NEDD4L: variants seen among roughly 807,000 people sequenced by gnomAD.
The protein encoded by NEDD4L is NEDD4 like E3 ubiquitin protein ligase, also known as E3 ubiquitin-protein ligase NEDD4-like.
NEDD4L carries 54 observed loss-of-function variants against 148.9 expected under a neutral mutation model. The observed-to-expected ratio is 0.36, with a 90% CI of 0.29 to 0.45. The LOEUF is 0.45. NEDD4L is among the 20% of genes least tolerant of loss of function. The probability of loss-of-function intolerance (pLI) is 1.00; values close to 1 mark genes in which losing one functional copy is unlikely to be tolerated. For synonymous variants in NEDD4L, 433 were observed against 440.7 expected, an observed-to-expected ratio of 0.98 and a Z score of 0.22; for missense variants, 856 against 1,233.8, an observed-to-expected ratio of 0.69 and a Z score of 4.59.
At position 58,299,080 on chromosome 18, in the gene NEDD4L, C is replaced by T. The variant is rs114719922; in HGVS notation, c.298-16902C>T. ...ATAAGGCTGAAGAAGGCTTGTGGCT[C>T]AGCACAATTTGGTCTTGTATGCACA... On this transcript the variant is annotated intron_variant, in intron 5 of 30. Transcript: ENST00000400345. Among the ~76,000 whole-genome samples the T allele has an allele frequency of 4.4e-3, 666 of 152,324 alleles. 2 individuals carry two copies. Among genetic ancestry groups the T allele is most frequent in the African/African-American group, 0.015 (637 of 41,578 alleles).
At chr18:58,126,660 C>A (rs2031161227) in intron 1 of NEDD4L, among the ~76,000 whole-genome samples, 1 of 152,160 alleles carries the variant, frequency 6.6e-6, no homozygotes, top group Admixed American at 6.5e-5. Context: ...TACGGTAACT[C>A]TACATTTAAG....
chr18:58,306,639 T>G (rs925518409), intron 5 of NEDD4L, among the ~76,000 whole-genome samples: 7 of 152,002 alleles, frequency 4.6e-5, no homozygotes, highest in Non-Finnish European at 8.8e-5. Context: ...TCTTTTTTTT[T>G]TTTGAAATGG....
intron 5 of NEDD4L, among the ~76,000 whole-genome samples, chr18:58,254,985 A>G (rs1035400387): frequency 6.6e-6 from 1 of 152,218 alleles, no homozygotes; most frequent in Admixed American, 6.5e-5. Context: ...GATGTCATAA[A>G]TAACAGAAAC....
intron 1 of NEDD4L, among the ~76,000 whole-genome samples, chr18:58,126,965 G>A (rs1404839002): frequency 6.6e-6 from 1 of 152,240 alleles, no homozygotes; most frequent in Non-Finnish European, 1.5e-5. Context: ...ACTGACCAGA[G>A]AACCCTTGCG....
rs551857340 is a variant in NEDD4L at position 58,270,184 on chromosome 18, G to C, written c.297+18130G>C. ...GTGGCTTTTGATAACTCCACGTCTT[G>C]AAAGTGTTGGCCAGTTGTCAAATTT... On this transcript the variant is annotated intron_variant, in intron 5 of 30. Transcript: ENST00000400345. 9.8e-5 allele frequency among the ~76,000 whole-genome samples: 15 copies of C among 152,328 alleles called. No individual in the cohort carries two copies. The South Asian group carries it at 1.7e-3, about 17-fold the overall frequency.
intron 1 of NEDD4L, among the ~76,000 whole-genome samples, chr18:58,087,089 C>A (rs913245024): frequency 6.6e-6 from 1 of 152,206 alleles, no homozygotes; most frequent in Non-Finnish European, 1.5e-5. Flanking sequence ...CTTCTTAGGG[C>A]CTTTGGTTTG....
At chr18:58,102,360 G>T (rs2084809928) in intron 1 of NEDD4L, among the ~76,000 whole-genome samples, 1 of 152,092 alleles carries the variant, frequency 6.6e-6, no homozygotes, top group South Asian at 2.1e-4. Context: ...AACTTGTTAT[G>T]CTGTAACCCC....
At chr18:58,183,809 T>C (rs2047193812) in intron 2 of NEDD4L, among the ~76,000 whole-genome samples, 1 of 152,222 alleles carries the variant, frequency 6.6e-6, no homozygotes, top group Non-Finnish European at 1.5e-5. Flanking sequence ...AATTTTGAAT[T>C]ATTTTTGTTT....
intron 30 of NEDD4L, among the ~76,000 whole-genome samples, chr18:58,392,415 A>G (rs938594200): frequency 2.6e-5 from 4 of 152,188 alleles, no homozygotes; most frequent in African/African-American, 9.6e-5. Flanking sequence ...CCTGCAGGAA[A>G]CGCCCTCCCT....
intron 5 of NEDD4L, among the ~76,000 whole-genome samples, chr18:58,276,227 G>C (rs1171312471): frequency 1.5e-5 from 2 of 134,906 alleles, no homozygotes; most frequent in African/African-American, 2.8e-5. Context: ...GGGGAGGGGG[G>C]TGGTTTTCTG....
At chr18:58,182,509 CTTTTTTTTTTTT>C (rs568506761) in intron 2 of NEDD4L, among the ~76,000 whole-genome samples, 3 of 111,452 alleles carry the variant, frequency 2.7e-5, no homozygotes, top group Non-Finnish European at 5.2e-5. Context: ...GCATTGATAC[CTTTTTTTTTTTT>C]TTTTTTTTTT....
chr18:58,078,367 C>T (rs1248583485), intron 1 of NEDD4L, among the ~76,000 whole-genome samples: 1 of 152,066 alleles, frequency 6.6e-6, no homozygotes, highest in Non-Finnish European at 1.5e-5. Flanking sequence ...GAACATGATG[C>T]TTTGGGATGA....
chr18:58,123,898 T>C (rs920122446), intron 1 of NEDD4L, among the ~76,000 whole-genome samples: 4 of 152,194 alleles, frequency 2.6e-5, no homozygotes, highest in Admixed American at 1.3e-4. Context: ...TTCCCAAGGA[T>C]GTCACTCCTG....
intron 1 of NEDD4L, among the ~76,000 whole-genome samples, chr18:58,140,243 G>A (rs1263371042): frequency 6.6e-6 from 1 of 152,148 alleles, no homozygotes; most frequent in African/African-American, 2.4e-5. Flanking sequence ...GGAAATTCTG[G>A]TACAGAGATA....
intron 24 of NEDD4L, among the ~76,000 whole-genome samples, chr18:58,379,954 A>G (rs1419836515): frequency 1.3e-5 from 2 of 152,060 alleles, no homozygotes; most frequent in African/African-American, 4.8e-5. Flanking sequence ...ACTCCCCCAC[A>G]GAGAAACCCA....
intron 2 of NEDD4L, among the ~76,000 whole-genome samples, chr18:58,219,963 T>G (rs1030986594): frequency 8.5e-5 from 13 of 152,244 alleles, no homozygotes; most frequent in African/African-American, 3.1e-4. Flanking sequence ...ACCTTCCAGC[T>G]AGTGTGTAAA....
intron 2 of NEDD4L, among the ~76,000 whole-genome samples, chr18:58,193,307 C>T (rs1490142706): frequency 6.6e-6 from 1 of 152,146 alleles, no homozygotes; most frequent in Non-Finnish European, 1.5e-5. Context: ...AAGTAAGAGA[C>T]AGGACCTTTT....
At chr18:58,329,216 G>C in intron 10 of NEDD4L, 89 bp downstream of exon 10, 1 of 1,387,378 alleles carries the variant, frequency 7.2e-7, no homozygotes. Context: ...TCTTCTGTCA[G>C]TAAACATTGT....
Position 58,400,411 on chromosome 18 carries a change from A to G in NEDD4L, c.*4142A>G, listed in dbSNP as rs755783479. On this transcript the variant is annotated 3_prime_UTR_variant, in exon 31 of 31. Coordinates refer to ENST00000400345, the MANE Select transcript of NEDD4L (RefSeq NM_001144967.3). ...TCTTTGGACCACTTTTTTAATTTATATAAGCCTTAATGAACAGTGTCTATA... is the reference window on the plus strand; with the variant it reads ...TCTTTGGACCACTTTTTTAATTTATGTAAGCCTTAATGAACAGTGTCTATA... The G allele has an allele frequency of 2.0e-5, 3 of 152,212 alleles. No individual in the cohort carries two copies. The highest frequency in any genetic ancestry group is 6.5e-5 in the Admixed American group (1 of 15,282). The allele number at this position is 152,212 out of a possible 1,614,324, so 9.4% of individuals were successfully genotyped here.
Sources: allele counts gnomAD v4.1 joint callset (sites outside exome capture counted in the v4.1 genomes callset), GRCh38; gene constraint gnomAD v4.1.1; transcripts MANE v1.5; gene names NCBI Gene and HGNC (gene_info 2026-07-23, HGNC 2026-07-21).